The following ADAM12 variants were observed in gnomAD, a reference collection of about 807,000 sequenced individuals.
The protein encoded by ADAM12 is disintegrin and metalloproteinase domain-containing protein 12.
ADAM12 carries 70 observed loss-of-function variants against 106.4 expected under a neutral mutation model. That is an observed-to-expected ratio of 0.66 (90% CI 0.54 to 0.80). The LOEUF is 0.80. ADAM12 is among the 30% of genes least tolerant of loss of function. The pLI is 0.00. For missense variants in ADAM12, 1,010 were observed against 1,171.9 expected, an observed-to-expected ratio of 0.86 and a Z score of 2.02; for synonymous variants, 420 against 433.5, an observed-to-expected ratio of 0.97 and a Z score of 0.39.
At position 126,388,234 on chromosome 10, in the gene ADAM12, C is replaced by G; in HGVS notation, c.-89G>C. The G allele has an allele frequency of 8.4e-7, 1 of 1,187,458 alleles. No homozygotes were observed. The highest frequency in any genetic ancestry group is 1.0e-6 in the Non-Finnish European group (1 of 959,202). 73.6% of individuals were successfully genotyped at this position (1,187,458 alleles called of 1,614,324 possible). A position where few individuals can be genotyped will look rare whatever the true frequency, so the allele number is the denominator to read the frequency against. ...GGCGCCGAGCCGGGGCCGGGCGTCG[C>G]GACCGGAGGGATTTCCTGCCTCGGC... On this transcript the variant is annotated 5_prime_UTR_variant, in exon 1 of 23. Transcript: ENST00000448723. This position sits in a 1 kb window ranked among gnomAD's most constrained non-coding sequence, Gnocchi z 4.4.
intron 1 of ADAM12, among the ~76,000 whole-genome samples, chr10:126,357,443 A>G (rs953547733): frequency 1.6e-4 from 24 of 152,224 alleles, no homozygotes; most frequent in African/African-American, 5.3e-4. Flanking sequence ...GATTGAATGC[A>G]TAATAAAAAG....
intron 2 of ADAM12, among the ~76,000 whole-genome samples, chr10:126,324,334 T>G (rs1449747499): frequency 6.6e-6 from 1 of 152,112 alleles, no homozygotes; most frequent in Non-Finnish European, 1.5e-5. Context: ...GGACAGAACA[T>G]AGTGCAAGCA....
Position 126,056,648 on chromosome 10 carries a change from G to A in ADAM12, c.1610-6979C>T, listed in dbSNP as rs1300070345. ...TCTTGAGTGTGATATTCCCCTTCCTGTGTCCATGTGATCTCATTGTTCAAT... is the reference window on the plus strand; with the variant it reads ...TCTTGAGTGTGATATTCCCCTTCCTATGTCCATGTGATCTCATTGTTCAAT... On this transcript the variant is annotated intron_variant, in intron 14 of 22. Transcript: ENST00000448723. 1.6e-4 allele frequency among the ~76,000 whole-genome samples: 5 copies of A among 31,818 alleles called. 2 individuals carry two copies. Among genetic ancestry groups the A allele is most frequent in the African/African-American group, 3.6e-4 (4 of 11,024 alleles). 20.9% of individuals were successfully genotyped at this position (31,818 alleles called of 152,430 possible).
chr10:126,362,839 G>A (rs1395869830), intron 1 of ADAM12, among the ~76,000 whole-genome samples: 1 of 152,128 alleles, frequency 6.6e-6, no homozygotes, highest in Non-Finnish European at 1.5e-5. Flanking sequence ...TAAACAGGAG[G>A]AATAAGGTTT....
intron 21 of ADAM12, among the ~76,000 whole-genome samples, chr10:126,024,554 T>C (rs1283039656): frequency 6.6e-6 from 1 of 152,162 alleles, no homozygotes; most frequent in Non-Finnish European, 1.5e-5. Context: ...TTAATAATAT[T>C]TTCATGTAAC....
At chr10:126,022,818 A>G (rs867644433) in intron 21 of ADAM12, among the ~76,000 whole-genome samples, 10 of 152,320 alleles carry the variant, frequency 6.6e-5, no homozygotes, top group Middle Eastern at 6.8e-3. Context: ...ATGCCCTCTT[A>G]ACTTCTTCCA....
chr10:126,196,876 T>C (rs1642667126), intron 3 of ADAM12, among the ~76,000 whole-genome samples: 1 of 152,176 alleles, frequency 6.6e-6, no homozygotes, highest in Admixed American at 6.5e-5. Context: ...TGATTTTAAC[T>C]TTTCAAAAAT....
intron 1 of ADAM12, among the ~76,000 whole-genome samples, chr10:126,343,912 T>G (rs1174856286): frequency 6.6e-6 from 1 of 152,240 alleles, no homozygotes; most frequent in Non-Finnish European, 1.5e-5. Context: ...TTGTAGATTC[T>G]GCATATTAGC....
chr10:126,271,633 C>T (rs528569658), intron 3 of ADAM12, among the ~76,000 whole-genome samples: 5 of 152,318 alleles, frequency 3.3e-5, no homozygotes, highest in South Asian at 2.1e-4. Flanking sequence ...GATATTGCAG[C>T]GCATGCCTGT....
At chr10:126,357,391 G>A (rs1193005366) in intron 1 of ADAM12, among the ~76,000 whole-genome samples, 1 of 151,982 alleles carries the variant, frequency 6.6e-6, no homozygotes, top group Non-Finnish European at 1.5e-5. Flanking sequence ...CAGAAATAAG[G>A]GACAAATAAA....
In ADAM12 at chr10:126,146,126, G is replaced by A. The variant is rs1956622885; in HGVS notation, c.339+9101C>T. Among the ~76,000 whole-genome samples, 3 of 152,194 alleles carry A rather than the reference G, an allele frequency of 2.0e-5. No individual in the cohort carries two copies. The South Asian group carries it at 6.2e-4, about 32-fold the overall frequency. ...ATCTTCCAGCTGTGAGGAAGGGAGG[G>A]CCTGAGCTGGTGCAGCCATGTGATG... On this transcript the variant is annotated intron_variant, in intron 4 of 22. Coordinates refer to ENST00000448723, the MANE Select transcript of ADAM12 (RefSeq NM_001288973.2).
intron 1 of ADAM12, among the ~76,000 whole-genome samples, chr10:126,383,134 GAT>G (rs1342863079): frequency 6.6e-6 from 1 of 151,864 alleles, no homozygotes; most frequent in Non-Finnish European, 1.5e-5. Context: ...TTTTTGTTGA[GAT>G]GTGGTGGGGT....
intron 14 of ADAM12, among the ~76,000 whole-genome samples, chr10:126,059,526 C>CT (rs981107033): frequency 6.6e-6 from 1 of 152,162 alleles, no homozygotes; most frequent in African/African-American, 2.4e-5. Flanking sequence ...GCAAAAATCT[C>CT]TTTTTTTCCC....
At chr10:126,286,969 T>A (rs775208436) in intron 2 of ADAM12, among the ~76,000 whole-genome samples, 3 of 152,160 alleles carry the variant, frequency 2.0e-5, no homozygotes, top group Non-Finnish European at 4.4e-5. Context: ...TGCAGCATGA[T>A]AGAGTCTTGG....
intron 3 of ADAM12, among the ~76,000 whole-genome samples, chr10:126,229,686 C>T (rs1017985201): frequency 1.4e-5 from 2 of 145,992 alleles, no homozygotes; most frequent in African/African-American, 2.5e-5. Context: ...TTATCTCTCC[C>T]GCCTCCTTCC....
chr10:126,346,118 T>C (rs1421981208), intron 1 of ADAM12, among the ~76,000 whole-genome samples: 1 of 152,220 alleles, frequency 6.6e-6, no homozygotes, highest in African/African-American at 2.4e-5. Flanking sequence ...GATGTTAAGG[T>C]GTCAATTTTA....
At chr10:126,306,962 C>G (rs1012029131) in intron 2 of ADAM12, among the ~76,000 whole-genome samples, 4 of 152,196 alleles carry the variant, frequency 2.6e-5, no homozygotes, top group Admixed American at 1.3e-4. Flanking sequence ...TTCCCAGTCT[C>G]TCTCACTCCT....
At chr10:126,036,470 G>T in intron 20 of ADAM12, 145 bp from the exon 21 acceptor site, 2 of 726,934 alleles carry the variant, frequency 2.8e-6, no homozygotes, top group Non-Finnish European at 4.1e-6. Context: ...ACACAAGAGG[G>T]GAATTATTTT....
chr10:126,240,819 C>G (rs981996563), intron 3 of ADAM12, among the ~76,000 whole-genome samples: 1 of 152,230 alleles, frequency 6.6e-6, no homozygotes, highest in African/African-American at 2.4e-5. Context: ...CAGGAGACGC[C>G]GGGTCCTTCT....
Sources: gnomAD v4.1 joint callset for allele counts (sites outside exome capture counted in the v4.1 genomes callset) on GRCh38, gnomAD v4.1.1 for gene constraint, Gnocchi (gnomAD v3.1) non-coding constraint, MANE v1.5 for transcripts, NCBI Gene and HGNC (gene_info 2026-07-23, HGNC 2026-07-21) for gene names.